Variants in EYS observed in about 807,000 individuals in gnomAD.
The protein encoded by EYS is EGF-like photoreceptor maintenance factor.
In EYS, 250 loss-of-function variants were observed where a neutral mutation model predicts 282.1. The observed-to-expected ratio is 0.89, with a 90% CI of 0.80 to 0.98. The LOEUF is 0.98. EYS is among the 50% of genes least tolerant of loss of function. The pLI is 0.00. For synonymous variants in EYS, 1,355 were observed against 1,282.9 expected (o/e 1.06, Z -1.20); for missense variants, 4,016 against 3,709.0 (o/e 1.08, Z -2.15).
intron 19 of EYS, among the ~76,000 whole-genome samples, chr6:64,854,443 G>A (rs1765988711): frequency 2.0e-5 from 3 of 151,980 alleles, no homozygotes; most frequent in Admixed American, 2.0e-4. Flanking sequence ...TTCTTTGTAG[G>A]GACATGGATG....
intron 33 of EYS, among the ~76,000 whole-genome samples, chr6:64,042,352 C>A (rs146973994): frequency 6.6e-6 from 1 of 152,158 alleles, no homozygotes; most frequent in Non-Finnish European, 1.5e-5. Context: ...ATTTTGTAAA[C>A]CACTTTAGGG....
chr6:64,198,031 T>C lies in EYS; in HGVS notation c.6424+32561A>G, dbSNP rs573387462. Among the ~76,000 whole-genome samples the C allele has an allele frequency of 1.2e-4, 19 of 152,004 alleles. No individual in the cohort carries two copies. In the South Asian group the frequency reaches 3.5e-3, roughly 28 times the overall value. ...TTTTTGAGACGGAGTCTCGCTCTGT[T>C]GCCCAGGCTGGAGTGCAGTGGCGTG... On this transcript the variant is annotated intron_variant, in intron 31 of 42. Coordinates refer to ENST00000503581, the MANE Select transcript of EYS (RefSeq NM_001142800.2).
At chr6:65,478,657 T>C (rs1447465877) in intron 5 of EYS, among the ~76,000 whole-genome samples, 1 of 152,144 alleles carries the variant, frequency 6.6e-6, no homozygotes, top group Non-Finnish European at 1.5e-5. Flanking sequence ...AAGAAATTGA[T>C]CTTTATGCCT....
At chr6:64,623,877 T>A (rs1698556986) in intron 23 of EYS, among the ~76,000 whole-genome samples, 1 of 152,040 alleles carries the variant, frequency 6.6e-6, no homozygotes, top group African/African-American at 2.4e-5. Context: ...CTATGCCCAT[T>A]AAGAAAATGA....
chr6:64,388,124 C>T (rs1415382031), intron 29 of EYS, among the ~76,000 whole-genome samples: 3 of 151,982 alleles, frequency 2.0e-5, no homozygotes. Context: ...TAAAATGGAA[C>T]CAAATAATAG....
At chr6:65,418,870 T>C (rs939648587) in intron 5 of EYS, among the ~76,000 whole-genome samples, 55 of 152,018 alleles carry the variant, frequency 3.6e-4, no homozygotes, top group Admixed American at 2.6e-3. Flanking sequence ...ACTAAAAGTA[T>C]GGTCTCAAGC....
At chr6:64,422,135 AGATT>A (rs1279583592) in intron 28 of EYS, among the ~76,000 whole-genome samples, 1 of 151,894 alleles carries the variant, frequency 6.6e-6, no homozygotes, top group African/African-American at 2.4e-5. Context: ...ATAGATCGAT[AGATT>A]GATAGACAGA....
rs1470118447 is a variant in EYS at position 64,439,277 on chromosome 6, A to G, written c.5720T>C (p.Ile1907Thr). 3 of 1,522,924 alleles carry G rather than the reference A, an allele frequency of 2.0e-6. No individual in the cohort carries two copies. The highest frequency in any genetic ancestry group is 2.6e-6 in the Non-Finnish European group (3 of 1,134,934). The allele number at this position is 1,522,924 out of a possible 1,614,324, so 94.3% of individuals were successfully genotyped here. A position where few individuals can be genotyped will look rare whatever the true frequency, so the allele number is the denominator to read the frequency against. Residue 1907 changes from isoleucine (I) to threonine (T), a missense_variant, in exon 27 of 43, where the codon ATC (isoleucine) becomes ACC (threonine). Physicochemically the swap from Ile to Thr is moderately conservative, Grantham distance 89. Coordinates refer to ENST00000503581, the MANE Select transcript of EYS (RefSeq NM_001142800.2). ...QNVALNPQNNISLEFQTFSSY... is the reference protein window; with the variant it reads ...QNVALNPQNNTSLEFQTFSSY... Reference sequence around the variant, plus strand: ...GCTGAAGGTCTGAAATTCTAGGGAGATGTTATTTTGTGGATTTAAAGCCAC... The same window carrying G: ...GCTGAAGGTCTGAAATTCTAGGGAGGTGTTATTTTGTGGATTTAAAGCCAC...
At chr6:65,301,972 A>C (rs1244076309) in intron 11 of EYS, among the ~76,000 whole-genome samples, 2 of 152,284 alleles carry the variant, frequency 1.3e-5, no homozygotes, top group East Asian at 1.9e-4. Context: ...GAAATCTTGA[A>C]GACCAGAAAT....
At chr6:64,057,537 A>G (rs1287892214) in intron 33 of EYS, among the ~76,000 whole-genome samples, 2 of 152,140 alleles carry the variant, frequency 1.3e-5, no homozygotes, top group Non-Finnish European at 2.9e-5. Context: ...GCTTTCTAAC[A>G]TTTCATTTTT....
chr6:65,291,233 A>G (rs1768516396), intron 12 of EYS, among the ~76,000 whole-genome samples: 1 of 151,538 alleles, frequency 6.6e-6, no homozygotes, highest in South Asian at 2.1e-4. Flanking sequence ...AGAAGTGAAA[A>G]TCAAAATGAG....
chr6:64,951,968 A>G (rs1042899242), intron 14 of EYS, among the ~76,000 whole-genome samples: 1 of 151,980 alleles, frequency 6.6e-6, no homozygotes, highest in African/African-American at 2.4e-5. Flanking sequence ...ACAGATTTAG[A>G]AAGTTCTTGA....
intron 10 of EYS, among the ~76,000 whole-genome samples, chr6:65,340,172 T>C (rs1424341551): frequency 6.6e-6 from 1 of 151,220 alleles, no homozygotes; most frequent in East Asian, 2.0e-4. Flanking sequence ...CAAATTTTAG[T>C]GCTCCATGGA....
At chr6:65,357,114 T>C (rs1764514596) in intron 8 of EYS, among the ~76,000 whole-genome samples, 1 of 152,006 alleles carries the variant, frequency 6.6e-6, no homozygotes, top group Non-Finnish European at 1.5e-5. Context: ...AGTATTAACT[T>C]GGTTCACTTT....
rs1288567853 is a variant in EYS at position 64,802,065 on chromosome 6, A to G, written c.3443+11313T>C. On this transcript the variant is annotated intron_variant, in intron 22 of 42. Coordinates refer to ENST00000503581, the MANE Select transcript of EYS (RefSeq NM_001142800.2). ...TTTTTTTTTTTTGAGACGGAGTCTC[A>G]CTCTGTCGCCCAGCCTGGAGTGCAG... 9.8e-5 allele frequency among the ~76,000 whole-genome samples: 11 copies of G among 112,448 alleles called. No individual in the cohort carries two copies. In the Admixed American group the frequency reaches 1.3e-3, roughly 13 times the overall value. The allele number at this position is 112,448 out of a possible 152,430, so 73.8% of individuals were successfully genotyped here.
chr6:64,704,282 TA>T (rs1770896377), intron 22 of EYS, among the ~76,000 whole-genome samples: 1 of 148,506 alleles, frequency 6.7e-6, no homozygotes, highest in Non-Finnish European at 1.5e-5. Context: ...AGTATTCTAA[TA>T]TAAATGTAAT....
At chr6:64,817,147 T>G (rs946086314) in intron 21 of EYS, among the ~76,000 whole-genome samples, 1 of 152,096 alleles carries the variant, frequency 6.6e-6, no homozygotes, top group African/African-American at 2.4e-5. Flanking sequence ...AAGCTGACCA[T>G]TTGTTGAGGG....
intron 30 of EYS, among the ~76,000 whole-genome samples, chr6:64,255,915 A>G (rs761978710): frequency 6.6e-6 from 1 of 152,016 alleles, no homozygotes; most frequent in African/African-American, 2.4e-5. Flanking sequence ...TATCTAGACT[A>G]TGATCACATA....
At chr6:64,746,155 A>T (rs891538494) in intron 22 of EYS, among the ~76,000 whole-genome samples, 1 of 152,062 alleles carries the variant, frequency 6.6e-6, no homozygotes, top group Non-Finnish European at 1.5e-5. Flanking sequence ...AAATTTCAGC[A>T]TGAGTTTCAA....
Sources: gnomAD v4.1 joint callset for allele counts (sites outside exome capture counted in the v4.1 genomes callset) on GRCh38, gnomAD v4.1.1 for gene constraint, MANE v1.5 for transcripts, NCBI Gene and HGNC (gene_info 2026-07-23, HGNC 2026-07-21) for gene names.